FARP1: variants seen among roughly 807,000 people sequenced by gnomAD.
The protein encoded by FARP1 is FERM, ARHGEF and pleckstrin domain-containing protein 1.
A neutral mutation model predicts 128.8 loss-of-function variants in FARP1; 52 were observed. The observed-to-expected ratio is 0.40, with a 90% CI of 0.32 to 0.51. FARP1 has a LOEUF of 0.51. FARP1 is among the 20% of genes least tolerant of loss of function. FARP1 has a pLI of 0.45. For missense variants in FARP1, 1,333 were observed against 1,367.9 expected (o/e 0.97, Z 0.40); for synonymous variants, 580 against 551.8 (o/e 1.05, Z -0.72).
intron 18 of FARP1, chr13:98,433,031 G>C (rs187691745): frequency 6.6e-6 from 1 of 152,442 alleles, no homozygotes; most frequent in Non-Finnish European, 1.5e-5. Flanking sequence ...GGTGAAAGGA[G>C]GGTGTGGAGA....
At chr13:98,282,886 C>A (rs549968236) in intron 2 of FARP1, among the ~76,000 whole-genome samples, 1 of 151,084 alleles carries the variant, frequency 6.6e-6, no homozygotes, top group South Asian at 2.1e-4. Context: ...GGCAACAGGG[C>A]GAGACTCCGT....
chr13:98,349,328 T>A (rs1324374534), intron 3 of FARP1, among the ~76,000 whole-genome samples: 2 of 152,122 alleles, frequency 1.3e-5, no homozygotes, highest in Non-Finnish European at 2.9e-5. Context: ...GTATTTCATT[T>A]TTGCAATCTA....
At chr13:98,339,402 C>G (rs538110629) in intron 2 of FARP1, among the ~76,000 whole-genome samples, 1 of 152,274 alleles carries the variant, frequency 6.6e-6, no homozygotes, top group African/African-American at 2.4e-5. Context: ...AGGGGGAAAT[C>G]TGCCCCCATG....
intron 2 of FARP1, among the ~76,000 whole-genome samples, chr13:98,223,325 TTTTG>T (rs756735059): frequency 7.2e-5 from 11 of 152,248 alleles, no homozygotes; most frequent in African/African-American, 1.7e-4. Flanking sequence ...AGGCATTTCT[TTTTG>T]TTTGTTTGTT....
rs372326477 is a variant in FARP1, at chr13:98,435,587, G to C, written c.2155G>C (p.Glu719Gln). ...TCTTTCCTTCACAGCCGCTTTGGCA[G>C]AGATCACGGAGATGGTGGCACAGCT... is the stretch of plus-strand genomic sequence containing the variant. ...DFRDCRAALA[E>Q]ITEMVAQLHG... Residue 719 changes from glutamate (E) to glutamine (Q), a missense_variant, in exon 19 of 27, where the codon GAG becomes CAG. Coordinates refer to ENST00000319562, the MANE Select transcript of FARP1 (RefSeq NM_005766.4). 9 of 1,612,472 alleles carry C rather than the reference G, an allele frequency of 5.6e-6. No homozygotes were observed. The highest frequency in any genetic ancestry group is 1.6e-4 in the Middle Eastern group (1 of 6,078).
At chr13:98,279,791 T>C (rs1335566235) in intron 2 of FARP1, among the ~76,000 whole-genome samples, 2 of 152,190 alleles carry the variant, frequency 1.3e-5, no homozygotes, top group African/African-American at 4.8e-5. Context: ...CGTAGAGGCT[T>C]GGACAAGAAT....
intron 2 of FARP1, chr13:98,328,680 C>T (rs1023133584): frequency 2.0e-5 from 3 of 152,132 alleles, no homozygotes; most frequent in Admixed American, 1.3e-4. Context: ...CCCCAGTTGC[C>T]AGCATCACTA....
chr13:98,239,686 G>C (rs1214864145), intron 2 of FARP1, among the ~76,000 whole-genome samples: 7 of 152,052 alleles, frequency 4.6e-5, no homozygotes, highest in Admixed American at 3.9e-4. Context: ...GGTCCCTTGG[G>C]TTTCTGGCTG....
At chr13:98,156,851 A>C (rs1396781124) in intron 1 of FARP1, among the ~76,000 whole-genome samples, 2 of 152,198 alleles carry the variant, frequency 1.3e-5, no homozygotes, top group Non-Finnish European at 2.9e-5. Flanking sequence ...GAGCCACTGC[A>C]CCTGGCCTAG....
rs887710421 is a variant in FARP1, at chr13:98,446,685, G to T, written c.2924G>T (p.Ser975Ile). The T allele has an allele frequency of 6.2e-7, 1 of 1,613,922 alleles. No homozygotes were observed. The highest frequency in any genetic ancestry group is 1.3e-5 in the African/African-American group (1 of 74,904). The stretch of plus-strand genomic sequence containing the variant: ...TTCCAGGACAATCATCCCCTTGCCA[G>T]CCTGCCTCTGCTCGGCTACTCGCTC... The part of the protein sequence containing the change: ...KSHQDNHPLA[S>I]LPLLGYSLTI... The change falls in exon 26 of 27, where the codon AGC becomes ATC. Residue 975 changes from serine to isoleucine, a missense_variant. Transcript: ENST00000319562.
chr13:98,271,317 G>A (rs1490618976), intron 2 of FARP1, among the ~76,000 whole-genome samples: 4 of 152,118 alleles, frequency 2.6e-5, no homozygotes, highest in Admixed American at 2.0e-4. Flanking sequence ...CCCACTTGGC[G>A]TCATTTGCTA....
intron 3 of FARP1, among the ~76,000 whole-genome samples, chr13:98,363,849 C>T (rs1229464323): frequency 1.3e-5 from 2 of 152,154 alleles, no homozygotes; most frequent in African/African-American, 4.8e-5. Context: ...TCAAGTGATT[C>T]TCCTGCCTCA....
At chr13:98,408,358 C>A (rs1222841331) in intron 13 of FARP1, among the ~76,000 whole-genome samples, 1 of 119,480 alleles carries the variant, frequency 8.4e-6, no homozygotes, top group Non-Finnish European at 1.6e-5. Context: ...GACAGAGTCT[C>A]ACTTTGTCGC....
At chr13:98,429,793 A>G (rs1208397369) in intron 17 of FARP1, among the ~76,000 whole-genome samples, 1 of 152,120 alleles carries the variant, frequency 6.6e-6, no homozygotes, top group East Asian at 1.9e-4. Flanking sequence ...CTGGTGCCGC[A>G]TTTTCCTCTC....
chr13:98,242,289 C>T (rs1254704703), intron 2 of FARP1, among the ~76,000 whole-genome samples: 2 of 152,194 alleles, frequency 1.3e-5, no homozygotes, highest in East Asian at 3.8e-4. Context: ...AACTGTTTTT[C>T]TCCATGCTTT....
chr13:98,331,565 G>A (rs1023973501), intron 2 of FARP1, among the ~76,000 whole-genome samples: 5 of 152,220 alleles, frequency 3.3e-5, no homozygotes, highest in African/African-American at 1.2e-4. Flanking sequence ...GCTACCAAAC[G>A]TTGAAAATAA....
At chr13:98,254,128 G>T (rs1211916238) in intron 2 of FARP1, among the ~76,000 whole-genome samples, 1 of 152,196 alleles carries the variant, frequency 6.6e-6, no homozygotes, top group Non-Finnish European at 1.5e-5. Context: ...ATCTGAGCGG[G>T]CAGTCGGTAG....
At chr13:98,435,833 A>G (rs996340169) in intron 19 of FARP1, 127 bp downstream of exon 19, 2 of 965,602 alleles carry the variant, frequency 2.1e-6, no homozygotes, top group Non-Finnish European at 3.4e-6. Flanking sequence ...TCCACCTGGG[A>G]GACAACTGGA....
rs1348983541 is a variant in FARP1, at chr13:98,424,573, G to C, written c.1828G>C (p.Glu610Gln). 6.2e-7 allele frequency: 1 copy of C among 1,610,604 alleles called. No homozygotes were observed. The highest frequency in any genetic ancestry group is 8.5e-7 in the Non-Finnish European group (1 of 1,176,930). The change falls in exon 17 of 27, where the codon GAA (glutamate) becomes CAA (glutamine). Residue 610 changes from glutamate to glutamine, a missense_variant and splice_region_variant. Glu to Gln is a conservative substitution (Grantham distance 29, BLOSUM62 2). Transcript: ENST00000319562. Reference sequence around the variant, plus strand: ...CCAACCCTTTGCTTTTGCTCTCAGGGAAGGCCGCTCAAATGCCCAAATCAG... The same window carrying C: ...CCAACCCTTTGCTTTTGCTCTCAGGCAAGGCCGCTCAAATGCCCAAATCAG... ...KEIEQRLALW[E>Q]GRSNAQIRDY...
Sources: gnomAD v4.1 joint callset for allele counts (sites outside exome capture counted in the v4.1 genomes callset) on GRCh38, gnomAD v4.1.1 for gene constraint, MANE v1.5 for transcripts, NCBI Gene and HGNC (gene_info 2026-07-23, HGNC 2026-07-21) for gene names.